Variants in BOLL observed in about 807,000 individuals in gnomAD.
BOLL encodes the protein protein boule-like.
Under a neutral mutation model 44.4 loss-of-function variants are expected in BOLL, and 23 were observed. The ratio of observed to expected loss-of-function variants is 0.52; its 90% confidence interval spans 0.37 to 0.73. The LOEUF (loss-of-function observed/expected upper bound fraction) is 0.73, where lower values mean the gene tolerates loss of function less well. Among genes scored for constraint, BOLL ranks in the 30% least tolerant of loss-of-function variants. The pLI is 0.00. For synonymous variants in BOLL, 97 were observed against 110.8 expected (o/e 0.88, Z 0.78); for missense variants, 287 against 338.3 (o/e 0.85, Z 1.19).
intron 9 of BOLL, among the ~76,000 whole-genome samples, chr2:197,745,164 G>A (rs1687935606): frequency 6.6e-6 from 1 of 152,134 alleles, no homozygotes; most frequent in African/African-American, 2.4e-5. Flanking sequence ...TGGAGTGGGT[G>A]CAATCTGGTA....
intron 7 of BOLL, 55 bp downstream of exon 7, chr2:197,766,477 A>G (rs1689003014): frequency 7.3e-7 from 1 of 1,363,788 alleles, no homozygotes; most frequent in Non-Finnish European, 1.0e-6. Context: ...AATGAAAGTT[A>G]GCTAAGAAAG....
rs758886633 is a variant in BOLL, at chr2:197,757,417, G to T, written c.553-17C>A. 3.7e-5 allele frequency: 59 copies of T among 1,602,026 alleles called. No individual in the cohort carries two copies. Among genetic ancestry groups the T allele is most frequent in the Non-Finnish European group, 4.8e-5 (56 of 1,174,790 alleles). ...TGTGGTGGCCTAAAATTAAATAAAA[G>T]AAAAGAAAAACCCATTCTGATTATA... On this transcript the variant is annotated splice_polypyrimidine_tract_variant and intron_variant, in intron 7 of 10. Coordinates refer to ENST00000392296, the MANE Select transcript of BOLL (RefSeq NM_033030.6).
At chr2:197,748,156 CCCTT>C (rs1688070447) in intron 9 of BOLL, among the ~76,000 whole-genome samples, 1 of 152,182 alleles carries the variant, frequency 6.6e-6, no homozygotes, top group African/African-American at 2.4e-5. Context: ...TCAGGGAACT[CCCTT>C]CCCCAGCCAA....
intron 9 of BOLL, among the ~76,000 whole-genome samples, chr2:197,749,120 C>A (rs2106336712): frequency 6.6e-6 from 1 of 152,290 alleles, no homozygotes; most frequent in African/African-American, 2.4e-5. Context: ...CTCCAGCAAA[C>A]TCCTACAGAC....
chr2:197,729,188 C>T (rs1256772492), intron 10 of BOLL, among the ~76,000 whole-genome samples: 1 of 152,188 alleles, frequency 6.6e-6, no homozygotes, highest in African/African-American at 2.4e-5. Flanking sequence ...AGGGAGTTCC[C>T]TTTCTGAGTC....
At chr2:197,766,439 A>G (rs1689001374) in intron 7 of BOLL, 93 bp downstream of exon 7, 7 of 1,043,562 alleles carry the variant, frequency 6.7e-6, no homozygotes, top group South Asian at 2.8e-5. Context: ...CTTTGTAATT[A>G]GCAAAGTAGT....
intron 10 of BOLL, among the ~76,000 whole-genome samples, chr2:197,734,505 C>T (rs1687377859): frequency 1.3e-5 from 2 of 152,112 alleles, no homozygotes; most frequent in South Asian, 4.1e-4. Context: ...TATAAAGACG[C>T]ACACGTATGT....
chr2:197,765,943 G>T (rs7587716), intron 7 of BOLL, among the ~76,000 whole-genome samples: 27,457 of 151,870 alleles, frequency 0.18, 2,573 homozygotes, highest in East Asian at 0.27. Flanking sequence ...AGAACATGTG[G>T]TTATTTGGTT....
At chr2:197,749,353 C>T (rs757125404) in intron 9 of BOLL, among the ~76,000 whole-genome samples, 5 of 151,996 alleles carry the variant, frequency 3.3e-5, no homozygotes, top group African/African-American at 4.8e-5. Flanking sequence ...CACAACTCCT[C>T]GCCAGCAAGG....
intron 9 of BOLL, among the ~76,000 whole-genome samples, chr2:197,746,738 A>G (rs1407971740): frequency 6.6e-6 from 1 of 151,956 alleles, no homozygotes; most frequent in Non-Finnish European, 1.5e-5. Flanking sequence ...CGTCTCTACT[A>G]AAAATATAAA....
At chr2:197,751,293 T>C (rs1161490290) in intron 9 of BOLL, among the ~76,000 whole-genome samples, 1 of 151,742 alleles carries the variant, frequency 6.6e-6, no homozygotes, top group African/African-American at 2.4e-5. Context: ...GAAATAACTA[T>C]ATTAGAGCAG....
chr2:197,747,226 C>A (rs1688026291), intron 9 of BOLL, among the ~76,000 whole-genome samples: 1 of 151,904 alleles, frequency 6.6e-6, no homozygotes, highest in South Asian at 2.1e-4. Context: ...TAAATGTATA[C>A]CATTTGTCGT....
chr2:197,728,677 A>G, intron 10 of BOLL, 99 bp from the exon 11 acceptor site: 1 of 797,162 alleles, frequency 1.3e-6, no homozygotes, highest in South Asian at 1.9e-5. Context: ...CATTCACTAA[A>G]TATTTGCAGA....
chr2:197,729,209 G>A (rs143601397), intron 10 of BOLL, among the ~76,000 whole-genome samples: 2,468 of 152,318 alleles, frequency 0.016, 58 homozygotes, highest in African/African-American at 0.057. Flanking sequence ...AAAGAAAGGG[G>A]TGATGGACGG....
intron 10 of BOLL, among the ~76,000 whole-genome samples, chr2:197,736,448 T>G (rs1687496936): frequency 6.6e-6 from 1 of 152,154 alleles, no homozygotes; most frequent in Admixed American, 6.6e-5. Context: ...AGTTTGTAGT[T>G]CACTTAATAG....
rs1689131624 is a variant in BOLL at position 197,769,308 on chromosome 2, G to T, written c.480+2547C>A. Among the ~76,000 whole-genome samples, 6 of 151,946 alleles carry T rather than the reference G, an allele frequency of 3.9e-5. No homozygotes were observed. In the South Asian group the frequency reaches 1.2e-3, roughly 32 times the overall value. On this transcript the variant is annotated intron_variant, in intron 6 of 10. Transcript: ENST00000392296. ...TCTGGTCCTGGAATTTTTTTATTTG[G>T]TAGTCTATTAATGATTGCCTCAATT...
At chr2:197,734,405 C>A (rs1260264206) in intron 10 of BOLL, among the ~76,000 whole-genome samples, 1 of 152,062 alleles carries the variant, frequency 6.6e-6, no homozygotes, top group Admixed American at 6.6e-5. Context: ...GTCAGTGTGG[C>A]GATTCCTCAG....
At chr2:197,786,077 C>A, upstream of BOLL, 1 of 1,559,514 alleles carries the variant, frequency 6.4e-7, no homozygotes. The surrounding 1 kb of genome is among the most constrained non-coding windows in gnomAD (Gnocchi z 5.9). Flanking sequence ...CACGCCAAGG[C>A]AGCAGCGCTG....
intron 9 of BOLL, among the ~76,000 whole-genome samples, chr2:197,754,732 C>T (rs1688428762): frequency 7.1e-6 from 1 of 141,510 alleles, no homozygotes; most frequent in South Asian, 2.2e-4. Flanking sequence ...AAACAAAAAA[C>T]AAACAAAAAA....
Sources: gnomAD v4.1 joint callset for allele counts (sites outside exome capture counted in the v4.1 genomes callset) on GRCh38, gnomAD v4.1.1 for gene constraint, Gnocchi (gnomAD v3.1) non-coding constraint, MANE v1.5 for transcripts, NCBI Gene and HGNC (gene_info 2026-07-23, HGNC 2026-07-21) for gene names.